IFRD1: variants seen among roughly 807,000 people sequenced by gnomAD.
IFRD1 encodes the protein interferon-related developmental regulator 1.
A neutral mutation model predicts 52.9 loss-of-function variants in IFRD1; 35 were observed. The observed-to-expected ratio is 0.66, with a 90% CI of 0.51 to 0.88. The LOEUF is 0.88. Among genes scored for constraint, IFRD1 ranks in the 40% least tolerant of loss-of-function variants. The pLI is 0.00. For missense variants in IFRD1, 517 were observed against 550.8 expected, an observed-to-expected ratio of 0.94 and a Z score of 0.61; for synonymous variants, 184 against 188.4, an observed-to-expected ratio of 0.98 and a Z score of 0.19.
chr7:112,440,334 T>C (rs1438247450), intron 1 of IFRD1, among the ~76,000 whole-genome samples: 1 of 152,226 alleles, frequency 6.6e-6, no homozygotes, highest in Non-Finnish European at 1.5e-5. Flanking sequence ...GTGTGTCTTA[T>C]TTATATAAGG....
chr7:112,429,347 T>C (rs1381209461), intron 1 of IFRD1, among the ~76,000 whole-genome samples: 1 of 152,234 alleles, frequency 6.6e-6, no homozygotes, highest in Non-Finnish European at 1.5e-5. Context: ...TTTAGAATTC[T>C]GTTTTTGGTC....
chr7:112,466,924 A>G (rs1412684596), intron 8 of IFRD1, among the ~76,000 whole-genome samples: 2 of 152,172 alleles, frequency 1.3e-5, no homozygotes, highest in Non-Finnish European at 2.9e-5. Flanking sequence ...GCATCTTATT[A>G]ATGGGTGTTG....
intron 3 of IFRD1, 140 bp downstream of exon 3, chr7:112,456,226 A>G: frequency 2.8e-6 from 2 of 709,038 alleles, no homozygotes; most frequent in Admixed American, 2.0e-5. Flanking sequence ...TAATAGCAAT[A>G]TATTTTTCCT....
At chr7:112,459,683 A>G (rs1171790444) in intron 5 of IFRD1, among the ~76,000 whole-genome samples, 2 of 152,110 alleles carry the variant, frequency 1.3e-5, no homozygotes, top group Non-Finnish European at 2.9e-5. Flanking sequence ...GTAAAAATTT[A>G]TTTCTTCTTC....
rs182854566 is a variant in IFRD1 at position 112,455,976 on chromosome 7, G to A, written c.200-26G>A. 4,777 of 1,503,644 alleles carry A rather than the reference G, an allele frequency of 3.2e-3. 19 individuals carry two copies. The highest frequency in any genetic ancestry group is 3.0e-3 in the Non-Finnish European group (3,202 of 1,079,818). The allele number at this position is 1,503,644 out of a possible 1,614,324, so 93.1% of individuals were successfully genotyped here. ...CCCTGTTTTTTTTCTTTTAAATTAC[G>A]ATGGCTGTTTTATATTATTTCTTAG... On this transcript the variant is annotated intron_variant, in intron 2 of 11. Coordinates refer to ENST00000403825, the MANE Select transcript of IFRD1 (RefSeq NM_001550.4).
intron 1 of IFRD1, among the ~76,000 whole-genome samples, chr7:112,440,911 G>A (rs1794867532): frequency 2.0e-5 from 3 of 152,246 alleles, no homozygotes; most frequent in South Asian, 4.1e-4. Flanking sequence ...CAAGGTGGGC[G>A]GACTGTGTGA....
intron 9 of IFRD1, among the ~76,000 whole-genome samples, chr7:112,468,501 CATTT>C (rs1223089658): frequency 6.6e-6 from 1 of 151,870 alleles, no homozygotes; most frequent in Admixed American, 6.6e-5. Context: ...GCTTGATTGT[CATTT>C]ATTTATTTAT....
In IFRD1 at chr7:112,445,062, CTT is replaced by C. The variant is rs3057810; in HGVS notation, c.-181-5425_-181-5424del. Reference sequence around the variant, plus strand: ...TTGGAATCAGATAGGCCTAGGCTTTCTTTTTTTTTTTTTTTTTTTTTTGAAAC... The same window carrying C: ...TTGGAATCAGATAGGCCTAGGCTTTCTTTTTTTTTTTTTTTTTTTTGAAAC... On this transcript the variant is annotated intron_variant, in intron 1 of 12. Coordinates refer to the IFRD1 transcript ENST00000005558. 9.2e-4 allele frequency among the ~76,000 whole-genome samples: 94 copies of C among 102,666 alleles called. 1 individual carries two copies. The highest frequency in any genetic ancestry group is 0.011 in the Middle Eastern group (2 of 186). The allele number at this position is 102,666 out of a possible 152,430, so 67.4% of individuals were successfully genotyped here.
At chr7:112,458,157 T>C (rs924642839) in intron 4 of IFRD1, 1 of 152,182 alleles carries the variant, frequency 6.6e-6, no homozygotes, top group African/African-American at 2.4e-5. Flanking sequence ...AGTTTGCGTA[T>C]TTTTTACATT....
At chr7:112,438,418 G>A (rs1794768710) in intron 1 of IFRD1, among the ~76,000 whole-genome samples, 3 of 152,178 alleles carry the variant, frequency 2.0e-5, no homozygotes, top group African/African-American at 7.2e-5. Flanking sequence ...AGGGGGTGAG[G>A]AGAGAGGTAG....
At chr7:112,454,389 C>T (rs906696240) in intron 1 of IFRD1, among the ~76,000 whole-genome samples, 7 of 151,968 alleles carry the variant, frequency 4.6e-5, no homozygotes, top group Admixed American at 6.6e-5. Context: ...GACTGGGTTT[C>T]GCCATGTTGG....
At chr7:112,453,865 C>T (rs573636341) in intron 1 of IFRD1, among the ~76,000 whole-genome samples, 4 of 151,510 alleles carry the variant, frequency 2.6e-5, no homozygotes, top group Non-Finnish European at 4.4e-5. Flanking sequence ...AAGACAACTC[C>T]GTTAAAAAAA....
At chr7:112,434,116 CCTGA>C (rs1794614498) in intron 1 of IFRD1, among the ~76,000 whole-genome samples, 2 of 152,288 alleles carry the variant, frequency 1.3e-5, no homozygotes, top group South Asian at 2.1e-4. Flanking sequence ...AGCTACTGTG[CCTGA>C]CTGTCTTATT....
In IFRD1 at chr7:112,461,848, ATATATT is replaced by A; in HGVS notation, c.568-16_568-11del. 1 of 1,290,210 alleles carries A rather than the reference ATATATT, an allele frequency of 7.8e-7. No individual in the cohort carries two copies. The highest frequency in any genetic ancestry group is 1.1e-6 in the Non-Finnish European group (1 of 905,006). The allele number at this position is 1,290,210 out of a possible 1,614,324, so 79.9% of individuals were successfully genotyped here. On this transcript the variant is annotated splice_polypyrimidine_tract_variant and intron_variant, in intron 5 of 11. Transcript: ENST00000403825. ...AATAAAATCATTAATGTCTATATATATATATTTTTTTTTTTAGTGTGCAACTTGCTT... is the reference window on the plus strand; with the variant it reads ...AATAAAATCATTAATGTCTATATATATTTTTTTTTAGTGTGCAACTTGCTT...
chr7:112,430,857 A>G (rs1029499526), intron 1 of IFRD1, among the ~76,000 whole-genome samples: 6 of 152,182 alleles, frequency 3.9e-5, no homozygotes, highest in Non-Finnish European at 8.8e-5. Flanking sequence ...GGCCTGATGT[A>G]GAAGATTCTC....
chr7:112,453,431 C>G (rs571874007), intron 1 of IFRD1, among the ~76,000 whole-genome samples: 46 of 152,112 alleles, frequency 3.0e-4, no homozygotes, highest in African/African-American at 9.6e-4. Flanking sequence ...ATACAGGGTT[C>G]TTTTTCTTGA....
In IFRD1 at chr7:112,459,070, C is replaced by T. The variant is rs376465707; in HGVS notation, c.567+52C>T. On this transcript the variant is annotated intron_variant, in intron 5 of 11. Transcript: ENST00000403825. ...GATCTGTCTATTCATGACACCCAGA[C>T]GTGGTGCGCCTATAGTACTGTACCA... 2.2e-5 allele frequency: 32 copies of T among 1,428,772 alleles called. No individual in the cohort carries two copies. In the African/African-American group the frequency reaches 2.9e-4, roughly 13 times the overall value. The allele number at this position is 1,428,772 out of a possible 1,614,324, so 88.5% of individuals were successfully genotyped here.
At chr7:112,447,843 T>G (rs1170166282), upstream of IFRD1, among the ~76,000 whole-genome samples, 1 of 152,122 alleles carries the variant, frequency 6.6e-6, no homozygotes, top group African/African-American at 2.4e-5. Flanking sequence ...TAAGGTAATT[T>G]TATCAAAAGT....
rs1795287838 is a variant in IFRD1, at chr7:112,456,188, C to T, written c.284+102C>T. 5 of 763,570 alleles carry T rather than the reference C, an allele frequency of 6.5e-6. No individual in the cohort carries two copies. The East Asian group carries it at 1.3e-4, about 20-fold the overall frequency. 47.3% of individuals were successfully genotyped at this position (763,570 alleles called of 1,614,324 possible). On this transcript the variant is annotated intron_variant, in intron 3 of 11. Coordinates refer to ENST00000403825, the MANE Select transcript of IFRD1 (RefSeq NM_001550.4). Reference sequence around the variant, plus strand: ...TGTGTGATTCTAATCAGTTACCTTACATGTATATAATTTGTGCAGCTCTCA... The same window carrying T: ...TGTGTGATTCTAATCAGTTACCTTATATGTATATAATTTGTGCAGCTCTCA...
Sources: gnomAD v4.1 joint callset for allele counts (sites outside exome capture counted in the v4.1 genomes callset) on GRCh38, gnomAD v4.1.1 for gene constraint, MANE v1.5 for transcripts, NCBI Gene and HGNC (gene_info 2026-07-23, HGNC 2026-07-21) for gene names.